The following VRK2 variants were observed in gnomAD, a reference collection of about 807,000 sequenced individuals.
VRK2 encodes serine/threonine-protein kinase VRK2.
Under a neutral mutation model 57.6 loss-of-function variants are expected in VRK2, and 60 were observed. The observed-to-expected ratio is 1.04, with a 90% CI of 0.85 to 1.29. The LOEUF (loss-of-function observed/expected upper bound fraction) is 1.29. Among genes scored for constraint, VRK2 ranks in the 50% most tolerant of loss-of-function variants. The pLI is 0.00. For missense variants in VRK2, 705 were observed against 588.1 expected (o/e 1.20, Z -2.06); for synonymous variants, 231 against 199.2 (o/e 1.16, Z -1.35).
intron 2 of VRK2, among the ~76,000 whole-genome samples, chr2:58,074,008 G>A (rs1669723366): frequency 6.6e-6 from 1 of 152,038 alleles, no homozygotes; most frequent in African/African-American, 2.4e-5. Flanking sequence ...CACCCTCACA[G>A]ACAGGTCCCG....
At chr2:57,950,838 A>G (rs145230825) in intron 1 of VRK2, among the ~76,000 whole-genome samples, 34 of 152,236 alleles carry the variant, frequency 2.2e-4, no homozygotes, top group African/African-American at 7.9e-4. Flanking sequence ...TCATGCCTGT[A>G]ATCCCAGCAC....
intron 1 of VRK2, among the ~76,000 whole-genome samples, chr2:58,011,325 T>A (rs1008784269): frequency 6.6e-6 from 1 of 152,210 alleles, no homozygotes; most frequent in African/African-American, 2.4e-5. Flanking sequence ...AAATTGGTTT[T>A]AGTTAGAAAT....
intron 1 of VRK2, among the ~76,000 whole-genome samples, chr2:58,011,469 A>G (rs1305334538): frequency 6.6e-6 from 1 of 152,208 alleles, no homozygotes; most frequent in African/African-American, 2.4e-5. Context: ...TTGAACTGGA[A>G]TTTCAATGAA....
At chr2:58,010,344 T>C (rs954123402) in intron 1 of VRK2, among the ~76,000 whole-genome samples, 5 of 152,280 alleles carry the variant, frequency 3.3e-5, no homozygotes, top group Admixed American at 2.6e-4. Context: ...AATTTATGTT[T>C]AGATATACTT....
At chr2:57,915,712 AGATCTTACATCAGGGGTCCCCAACCC>A (rs1670125583) in intron 1 of VRK2, among the ~76,000 whole-genome samples, 1 of 152,216 alleles carries the variant, frequency 6.6e-6, no homozygotes, top group Admixed American at 6.5e-5. Flanking sequence ...CTGCATTGAC[AGATCTTACATCAGGGGTCCCCAACCC>A]GCTGGGCTGC....
intron 1 of VRK2, among the ~76,000 whole-genome samples, chr2:57,928,991 T>C (rs1670631667): frequency 6.6e-6 from 1 of 152,204 alleles, no homozygotes; most frequent in African/African-American, 2.4e-5. Flanking sequence ...ACTGGGACTG[T>C]GCTGGGTCGG....
intron 12 of VRK2, among the ~76,000 whole-genome samples, chr2:58,156,552 T>A (rs1390568644): frequency 6.6e-6 from 1 of 151,888 alleles, no homozygotes; most frequent in Non-Finnish European, 1.5e-5. Context: ...GTCTTTTATG[T>A]TGCTGTACCT....
intron 1 of VRK2, among the ~76,000 whole-genome samples, chr2:57,972,850 TG>T (rs1672137691): frequency 6.6e-6 from 1 of 151,934 alleles, no homozygotes; most frequent in Non-Finnish European, 1.5e-5. Context: ...TCCATATGTA[TG>T]TATAAAAATA....
intron 2 of VRK2, among the ~76,000 whole-genome samples, chr2:58,028,118 C>T (rs984684677): frequency 6.6e-6 from 1 of 152,144 alleles, no homozygotes; most frequent in Non-Finnish European, 1.5e-5. Context: ...CTGAATACTG[C>T]ACCTGGACTC....
At chr2:57,914,660 C>T (rs1670090861) in intron 1 of VRK2, among the ~76,000 whole-genome samples, 1 of 152,080 alleles carries the variant, frequency 6.6e-6, no homozygotes, top group South Asian at 2.1e-4. Flanking sequence ...ACTCTAATTA[C>T]AGCAGCAACA....
At chr2:57,943,072 C>A (rs1319865872) in intron 1 of VRK2, among the ~76,000 whole-genome samples, 1 of 152,124 alleles carries the variant, frequency 6.6e-6, no homozygotes, top group African/African-American at 2.4e-5. Context: ...CACTTCACAG[C>A]TTTTCAATAA....
chr2:58,073,648 A>ATT (rs1553394561), intron 2 of VRK2, among the ~76,000 whole-genome samples: 9 of 142,234 alleles, frequency 6.3e-5, no homozygotes, highest in African/African-American at 2.3e-4. Flanking sequence ...ATATATATAT[A>ATT]TATATTTATA....
chr2:57,958,689 A>G (rs1475416821), intron 1 of VRK2, among the ~76,000 whole-genome samples: 1 of 152,070 alleles, frequency 6.6e-6, no homozygotes, highest in Non-Finnish European at 1.5e-5. Context: ...CTACTTATTG[A>G]TCCCTGCATG....
chr2:57,926,173 G>T (rs574625457), intron 1 of VRK2, among the ~76,000 whole-genome samples: 226 of 151,664 alleles, frequency 1.5e-3, no homozygotes, highest in Middle Eastern at 3.4e-3. Flanking sequence ...AATAATCCAT[G>T]TGCTGAGGAA....
intron 1 of VRK2, among the ~76,000 whole-genome samples, chr2:58,013,858 C>CA (rs60604486): frequency 0.26 from 15,804 of 61,516 alleles, 2,526 homozygotes; most frequent in African/African-American, 0.31. Flanking sequence ...GACTCCGTCT[C>CA]AAAAAAAAAA....
intron 7 of VRK2, among the ~76,000 whole-genome samples, chr2:58,106,248 A>G (rs1382354114): frequency 6.6e-6 from 1 of 151,926 alleles, no homozygotes; most frequent in Non-Finnish European, 1.5e-5. Flanking sequence ...ATTTTCTATA[A>G]TAGGTGAAGG....
intron 1 of VRK2, among the ~76,000 whole-genome samples, chr2:58,008,374 A>C (rs1673318032): frequency 6.6e-6 from 1 of 152,136 alleles, no homozygotes; most frequent in Admixed American, 6.6e-5. Context: ...GGAACGAAGA[A>C]AGGAAGCAGG....
chr2:58,147,652 G>A (rs556208573), intron 12 of VRK2, among the ~76,000 whole-genome samples: 2 of 151,584 alleles, frequency 1.3e-5, no homozygotes, highest in South Asian at 4.1e-4. Context: ...GGAAAGTCTT[G>A]GTTCTTTTCC....
chr2:58,141,662 TTAA>T (rs1429217436), intron 11 of VRK2, among the ~76,000 whole-genome samples: 4 of 151,978 alleles, frequency 2.6e-5, no homozygotes, highest in Admixed American at 6.6e-5. Context: ...ATACATATAT[TTAA>T]TAATGATAGC....
Sources: gnomAD v4.1 joint callset for allele counts (sites outside exome capture counted in the v4.1 genomes callset) on GRCh38, gnomAD v4.1.1 for gene constraint, MANE v1.5 for transcripts, NCBI Gene and HGNC (gene_info 2026-07-23, HGNC 2026-07-21) for gene names.